The following ENOX1 variants were observed in gnomAD, a reference collection of about 807,000 sequenced individuals.
ENOX1 encodes ecto-NOX disulfide-thiol exchanger 1.
Under a neutral mutation model 82.5 loss-of-function variants are expected in ENOX1, and 42 were observed. That is an observed-to-expected ratio of 0.51 (90% CI 0.40 to 0.66). ENOX1 has a LOEUF of 0.66. ENOX1 is among the 30% of genes least tolerant of loss of function. The pLI is 0.00. For missense variants in ENOX1, 608 were observed against 811.6 expected (o/e 0.75, Z 3.05); for synonymous variants, 271 against 282.2 (o/e 0.96, Z 0.40).
chr13:43,213,943 GCCAGGTTCACATGGTTTCATTT>G lies in ENOX1; in HGVS notation c.*25_*46del, dbSNP rs1317613443. 1 of 1,597,976 alleles carries G rather than the reference GCCAGGTTCACATGGTTTCATTT, an allele frequency of 6.3e-7. No individual in the cohort carries two copies. The highest frequency in any genetic ancestry group is 1.1e-5 in the South Asian group (1 of 88,930). On this transcript the variant is annotated 3_prime_UTR_variant, in exon 17 of 17. Transcript: ENST00000690772. ...CCTGCTTCCCCGTCGCACCGCCCTG[GCCAGGTTCACATGGTTTCATTT>G]CCAGAGATGCTTTGCTCTTCGCAGT... is the stretch of plus-strand genomic sequence containing the variant.
At chr13:43,474,027 T>C (rs969283829) in intron 3 of ENOX1, among the ~76,000 whole-genome samples, 7 of 152,150 alleles carry the variant, frequency 4.6e-5, no homozygotes, top group African/African-American at 1.7e-4. Flanking sequence ...AAAAAGTATA[T>C]TAGGACATCT....
chr13:43,268,530 T>C (rs1566380059), intron 13 of ENOX1, among the ~76,000 whole-genome samples: 1 of 152,088 alleles, frequency 6.6e-6, no homozygotes, highest in Non-Finnish European at 1.5e-5. Flanking sequence ...CTCATACCTT[T>C]GGGAGAAAAT....
chr13:43,717,690 C>T (rs1317802016), intron 1 of ENOX1, among the ~76,000 whole-genome samples: 1 of 152,024 alleles, frequency 6.6e-6, no homozygotes. Flanking sequence ...AACAAATCAA[C>T]AAGCAAAAAA....
intron 14 of ENOX1, among the ~76,000 whole-genome samples, chr13:43,259,756 G>A (rs2043951018): frequency 6.6e-6 from 1 of 152,158 alleles, no homozygotes; most frequent in African/African-American, 2.4e-5. Context: ...TTACAGGTGT[G>A]AGCCACCGTG....
intron 3 of ENOX1, among the ~76,000 whole-genome samples, chr13:43,478,915 G>A (rs765042460): frequency 9.6e-6 from 1 of 103,938 alleles, no homozygotes; most frequent in Non-Finnish European, 2.3e-5. Context: ...TTATATTACG[G>A]TAAAAGCCTC....
chr13:43,592,657 AGAAG>A (rs1566593209), intron 2 of ENOX1, among the ~76,000 whole-genome samples: 1 of 152,196 alleles, frequency 6.6e-6, no homozygotes, highest in Admixed American at 6.5e-5. Flanking sequence ...AATGAAATAT[AGAAG>A]GAAGGGAAGG....
chr13:43,339,835 GA>G (rs2048953287), intron 9 of ENOX1, among the ~76,000 whole-genome samples: 1 of 152,196 alleles, frequency 6.6e-6, no homozygotes, highest in Admixed American at 6.5e-5. Context: ...CATTCTAAGG[GA>G]AGAAGCCAAA....
At chr13:43,660,415 T>A (rs1021247028) in intron 2 of ENOX1, among the ~76,000 whole-genome samples, 4 of 152,216 alleles carry the variant, frequency 2.6e-5, no homozygotes, top group African/African-American at 7.2e-5. Context: ...GCATTGACAT[T>A]GAAATGGGGA....
At chr13:43,557,923 G>A (rs565944888) in intron 2 of ENOX1, among the ~76,000 whole-genome samples, 103 of 152,300 alleles carry the variant, frequency 6.8e-4, no homozygotes, top group Non-Finnish European at 1.4e-3. Flanking sequence ...GATAGGGTGT[G>A]TACTACTTAC....
rs185798787 is a variant in ENOX1 at position 43,599,526 on chromosome 13, A to G, written c.-219+67953T>C. On this transcript the variant is annotated intron_variant, in intron 2 of 16. Transcript: ENST00000690772. Reference sequence around the variant, plus strand: ...CATTCACCCCAGTGGTCAGAACTTGAGTTCCAGCAAGCCTCATCACTGCAG... The same window carrying G: ...CATTCACCCCAGTGGTCAGAACTTGGGTTCCAGCAAGCCTCATCACTGCAG... Among the ~76,000 whole-genome samples the G allele has an allele frequency of 7.2e-5, 11 of 152,138 alleles. No homozygotes were observed. In the East Asian group the frequency reaches 2.2e-3, roughly 30 times the overall value.
At chr13:43,407,294 C>A (rs2053857571) in intron 5 of ENOX1, among the ~76,000 whole-genome samples, 1 of 152,090 alleles carries the variant, frequency 6.6e-6, no homozygotes, top group Non-Finnish European at 1.5e-5. Context: ...CTGTTCAGCA[C>A]AAACATAAAC....
chr13:43,559,869 T>C (rs2079594533), intron 2 of ENOX1, among the ~76,000 whole-genome samples: 1 of 152,192 alleles, frequency 6.6e-6, no homozygotes, highest in African/African-American at 2.4e-5. Flanking sequence ...CAAACTCCTT[T>C]AGTAAAATGC....
At chr13:43,378,519 A>G (rs1284001996) in intron 5 of ENOX1, among the ~76,000 whole-genome samples, 1 of 152,216 alleles carries the variant, frequency 6.6e-6, no homozygotes, top group Non-Finnish European at 1.5e-5. Flanking sequence ...ACAAAAGACT[A>G]TTCTCATCAG....
intron 15 of ENOX1, among the ~76,000 whole-genome samples, chr13:43,235,316 T>C (rs1281607648): frequency 6.6e-6 from 1 of 152,222 alleles, no homozygotes; most frequent in Non-Finnish European, 1.5e-5. Context: ...AACCCTGTAG[T>C]TGAAAAATCT....
intron 1 of ENOX1, among the ~76,000 whole-genome samples, chr13:43,682,810 G>A (rs1032788390): frequency 2.0e-5 from 3 of 152,094 alleles, no homozygotes; most frequent in African/African-American, 7.2e-5. Context: ...TTGAGATCCT[G>A]GGGGAGCCAA....
At chr13:43,574,343 C>T (rs1220336108) in intron 2 of ENOX1, among the ~76,000 whole-genome samples, 1 of 152,172 alleles carries the variant, frequency 6.6e-6, no homozygotes, top group African/African-American at 2.4e-5. Context: ...CAAGCCACCA[C>T]ACAGCTTTTC....
At chr13:43,257,051 C>T (rs1443647026) in intron 14 of ENOX1, among the ~76,000 whole-genome samples, 1 of 152,146 alleles carries the variant, frequency 6.6e-6, no homozygotes, top group Non-Finnish European at 1.5e-5. Flanking sequence ...TGAAATAACC[C>T]AGACATAGGA....
chr13:43,229,393 AT>A (rs1378125224), intron 15 of ENOX1, among the ~76,000 whole-genome samples: 4 of 152,322 alleles, frequency 2.6e-5, no homozygotes, highest in Admixed American at 2.0e-4. Context: ...GGGGGAGACC[AT>A]TCCAGGTACA....
chr13:43,773,379 C>G (rs1321502247), intron 1 of ENOX1, among the ~76,000 whole-genome samples: 2 of 152,142 alleles, frequency 1.3e-5, no homozygotes, highest in African/African-American at 4.8e-5. Flanking sequence ...AAAGCAAAAG[C>G]AAAAACACTT....
Sources: allele counts gnomAD v4.1 joint callset (sites outside exome capture counted in the v4.1 genomes callset), GRCh38; gene constraint gnomAD v4.1.1; transcripts MANE v1.5; gene names NCBI Gene and HGNC (gene_info 2026-07-23, HGNC 2026-07-21).